The following SOAT2 variants were observed in gnomAD, a reference collection of about 807,000 sequenced individuals.
The protein encoded by SOAT2 is sterol O-acyltransferase 2.
In SOAT2, 87 loss-of-function variants were observed where a neutral mutation model predicts 76.0. That is an observed-to-expected ratio of 1.14 (90% CI 0.96 to 1.37). The LOEUF (loss-of-function observed/expected upper bound fraction) is 1.37. Among genes scored for constraint, SOAT2 ranks in the 40% most tolerant of loss-of-function variants. The pLI is 0.00. For synonymous variants in SOAT2, 285 were observed against 275.4 expected, an observed-to-expected ratio of 1.03 and a Z score of -0.34; for missense variants, 686 against 682.1, an observed-to-expected ratio of 1.01 and a Z score of -0.06.
At chr12:53,104,044 T>C in intron 1 of SOAT2, 107 bp from the exon 2 acceptor site, 1 of 931,600 alleles carries the variant, frequency 1.1e-6, no homozygotes, top group East Asian at 2.4e-5. Context: ...CTGGTTGGGG[T>C]GAGGGCAGCT....
chr12:53,118,426 T>C lies in SOAT2; in HGVS notation c.855T>C (p.Thr285=). 1 of 1,612,168 alleles carries C rather than the reference T, an allele frequency of 6.2e-7. No individual in the cohort carries two copies. Among genetic ancestry groups the C allele is most frequent in the Non-Finnish European group, 8.5e-7 (1 of 1,178,434 alleles). Residue 285 remains threonine, a synonymous_variant, in exon 8 of 15, where the codon ACT becomes ACC. Coordinates refer to ENST00000301466, the MANE Select transcript of SOAT2 (RefSeq NM_003578.4). ...GCCCAACACTCATCTACAGGGAGAC[T>C]TACCCTAGGTAAGACCCTGCACTCC... ...LFCPTLIYRE[T]YPRTPYVRWN... is the part of the protein sequence containing the mutation.
In SOAT2 at chr12:53,107,622, CT is replaced by C. The variant is rs1303838303; in HGVS notation, c.443+1626del. The stretch of plus-strand genomic sequence containing the variant: ...AGACTAGAATTTAACAACAGATGTA[CT>C]TTTTTTTTTTTTTTTTTGAGACAGA... On this transcript the variant is annotated intron_variant, in intron 5 of 14. Coordinates refer to ENST00000301466, the MANE Select transcript of SOAT2 (RefSeq NM_003578.4). Among the ~76,000 whole-genome samples, 413 of 117,002 alleles carry C rather than the reference CT, an allele frequency of 3.5e-3. 7 individuals carry two copies. Among genetic ancestry groups the C allele is most frequent in the Admixed American group, 5.0e-3 (62 of 12,344 alleles). 76.8% of individuals were successfully genotyped at this position (117,002 alleles called of 152,430 possible).
intron 5 of SOAT2, among the ~76,000 whole-genome samples, chr12:53,108,699 T>C (rs1275883623): frequency 1.3e-5 from 2 of 152,352 alleles, no homozygotes; most frequent in Non-Finnish European, 2.9e-5. Context: ...TTCATATTAA[T>C]GAATATTTTA....
At chr12:53,123,341 T>A in intron 13 of SOAT2, 125 bp downstream of exon 13, 1 of 1,236,544 alleles carries the variant, frequency 8.1e-7, no homozygotes, top group Non-Finnish European at 1.2e-6. Context: ...CTGCTGAGAC[T>A]GAGAGGTGGA....
At chr12:53,110,496 G>A (rs1937995831) in intron 5 of SOAT2, among the ~76,000 whole-genome samples, 1 of 152,168 alleles carries the variant, frequency 6.6e-6, no homozygotes, top group African/African-American at 2.4e-5. Flanking sequence ...GACTTCCACA[G>A]ACAATCTCTG....
At chr12:53,119,328 T>C (rs1477287934) in intron 10 of SOAT2, 75 bp downstream of exon 10, 2 of 1,497,576 alleles carry the variant, frequency 1.3e-6, no homozygotes, top group African/African-American at 2.8e-5. Context: ...GCTAGTTACC[T>C]TCCCTCAGTT....
In SOAT2 at chr12:53,113,641, G is replaced by A. The variant is rs566866723; in HGVS notation, c.444-1749G>A. On this transcript the variant is annotated intron_variant, in intron 5 of 14. Coordinates refer to ENST00000301466, the MANE Select transcript of SOAT2 (RefSeq NM_003578.4). ...AAGAGAGTTTTTATTTCTGTAACCA[G>A]TTACAGGGAGAAGGCCTGGAAATTA... 2.0e-5 allele frequency among the ~76,000 whole-genome samples: 3 copies of A among 152,316 alleles called. No individual in the cohort carries two copies. The East Asian group carries it at 5.8e-4, about 29-fold the overall frequency.
chr12:53,105,895 CT>C lies in SOAT2; in HGVS notation c.336-11del, dbSNP rs559399132. On this transcript the variant is annotated splice_polypyrimidine_tract_variant and intron_variant, in intron 4 of 14. Transcript: ENST00000301466. ...CCCTCCCACACTGACTTTCGGGCCC[CT>C]GTCCCTCTAGTGAGCTGATGGAGGT... is the stretch of plus-strand genomic sequence containing the variant. The C allele has an allele frequency of 2.4e-4, 347 of 1,417,910 alleles. No homozygotes were observed. The African/African-American group carries it at 7.3e-3, about 30-fold the overall frequency. The allele number at this position is 1,417,910 out of a possible 1,614,324, so 87.8% of individuals were successfully genotyped here.
At chr12:53,105,378 A>G in intron 3 of SOAT2, 135 bp downstream of exon 3, 2 of 1,262,516 alleles carry the variant, frequency 1.6e-6, no homozygotes, top group Non-Finnish European at 2.2e-6. Flanking sequence ...TCTTCCTAAC[A>G]CTGACCTCCA....
chr12:53,117,477 G>T (rs959711038), intron 7 of SOAT2, among the ~76,000 whole-genome samples: 2 of 151,922 alleles, frequency 1.3e-5, no homozygotes, highest in Non-Finnish European at 2.9e-5. Flanking sequence ...GAGAATGGCC[G>T]GTCAGCAGAG....
intron 13 of SOAT2, 69 bp from the exon 14 acceptor site, chr12:53,123,659 G>C: frequency 6.3e-7 from 1 of 1,577,592 alleles, no homozygotes; most frequent in Admixed American, 1.7e-5. Context: ...CAATACCCTG[G>C]AATGGGAGGG....
rs34794952 is a variant in SOAT2, at chr12:53,106,276, A to ATG, written c.443+275_443+276dup. Among the ~76,000 whole-genome samples, 356 of 152,134 alleles carry ATG rather than the reference A, an allele frequency of 2.3e-3. 4 individuals are homozygous for ATG. The South Asian group carries it at 0.025, about 11-fold the overall frequency. On this transcript the variant is annotated intron_variant, in intron 5 of 14. Coordinates refer to ENST00000301466, the MANE Select transcript of SOAT2 (RefSeq NM_003578.4). ...TCAATGACACCTTGCCCTGAGGCAG[A>ATG]TGTGTGTGTGTGTGCACACATGCAC... is the stretch of plus-strand genomic sequence containing the variant.
rs145116966 is a variant in SOAT2 at position 53,118,754 on chromosome 12, C to T, written c.864-136C>T. On this transcript the variant is annotated intron_variant, in intron 8 of 14. Coordinates refer to ENST00000301466, the MANE Select transcript of SOAT2 (RefSeq NM_003578.4). ...ATGGAAAGTTCAGAGTATCCTAGACCCCACCACCCTAGATAATCCTCCCAG... is the reference window on the plus strand; with the variant it reads ...ATGGAAAGTTCAGAGTATCCTAGACTCCACCACCCTAGATAATCCTCCCAG... The T allele has an allele frequency of 1.6e-3, 1,474 of 921,486 alleles. 17 individuals are homozygous for T. In the African/African-American group the frequency reaches 0.021, roughly 13 times the overall value. The allele number at this position is 921,486 out of a possible 1,614,324, so 57.1% of individuals were successfully genotyped here.
At chr12:53,106,870 G>C (rs1490754023) in intron 5 of SOAT2, among the ~76,000 whole-genome samples, 1 of 152,088 alleles carries the variant, frequency 6.6e-6, no homozygotes, top group Non-Finnish European at 1.5e-5. Context: ...AATCTAAATG[G>C]GTCCAAGTGC....
chr12:53,107,761 T>C (rs1937957658), intron 5 of SOAT2, among the ~76,000 whole-genome samples: 1 of 151,972 alleles, frequency 6.6e-6, no homozygotes, highest in African/African-American at 2.4e-5. Context: ...TAGCTGGGAC[T>C]ACAGGCACGT....
chr12:53,120,758 C>T (rs1938178191), intron 10 of SOAT2, 28 bp from the exon 11 acceptor site: 9 of 1,571,312 alleles, frequency 5.7e-6, no homozygotes, highest in Non-Finnish European at 7.9e-6. Flanking sequence ...GCCAGCCTGA[C>T]CTGCAGCCTC....
chr12:53,106,713 C>T (rs1937941431), intron 5 of SOAT2, among the ~76,000 whole-genome samples: 1 of 152,236 alleles, frequency 6.6e-6, no homozygotes, highest in Non-Finnish European at 1.5e-5. Context: ...CTAAAAATTA[C>T]AATTTCCAGA....
chr12:53,106,617 G>A (rs1384388395), intron 5 of SOAT2, among the ~76,000 whole-genome samples: 1 of 152,226 alleles, frequency 6.6e-6, no homozygotes, highest in Non-Finnish European at 1.5e-5. Flanking sequence ...GCCCAATAAC[G>A]AGATGCAGAT....
chr12:53,113,166 T>G (rs1354659295), intron 5 of SOAT2, among the ~76,000 whole-genome samples: 2 of 151,346 alleles, frequency 1.3e-5, no homozygotes, highest in Non-Finnish European at 2.9e-5. Context: ...CAAGGGGGAG[T>G]GCACTCAGGC....
Sources: allele counts gnomAD v4.1 joint callset (sites outside exome capture counted in the v4.1 genomes callset), GRCh38; gene constraint gnomAD v4.1.1; transcripts MANE v1.5; gene names NCBI Gene and HGNC (gene_info 2026-07-23, HGNC 2026-07-21).